PIK3C2G: variants seen among roughly 807,000 people sequenced by gnomAD.
PIK3C2G encodes phosphatidylinositol-4-phosphate 3-kinase catalytic subunit type 2 gamma.
In PIK3C2G, 168 loss-of-function variants were observed where a neutral mutation model predicts 181.1. The ratio of observed to expected loss-of-function variants is 0.93; its 90% confidence interval spans 0.82 to 1.05. The LOEUF (loss-of-function observed/expected upper bound fraction) is 1.05. Among genes scored for constraint, PIK3C2G ranks in the 50% least tolerant of loss-of-function variants. The pLI, the probability that PIK3C2G is intolerant of heterozygous loss-of-function variation, is 0.00. For synonymous variants in PIK3C2G, 573 were observed against 592.2 expected (o/e 0.97, Z 0.47); for missense variants, 1,869 against 1,732.8 (o/e 1.08, Z -1.40).
chr12:18,684,198 C>T, the PIK3C2G span: 1 of 1,612,124 alleles, frequency 6.2e-7, no homozygotes, highest in Non-Finnish European at 8.5e-7. Context: ...TAAACCTTGA[C>T]CTTCAACAAC....
At chr12:18,569,022 C>T (rs1160860456) in intron 29 of PIK3C2G, among the ~76,000 whole-genome samples, 2 of 152,062 alleles carry the variant, frequency 1.3e-5, no homozygotes, top group Non-Finnish European at 2.9e-5. Context: ...TGCTTTGCCA[C>T]CCTCCCATCA....
chr12:18,656,317 C>T, the PIK3C2G span, among the ~76,000 whole-genome samples: 1 of 152,028 alleles, frequency 6.6e-6, no homozygotes, highest in Non-Finnish European at 1.5e-5. Flanking sequence ...GTGGGTCACG[C>T]CTGTAATCCC....
At chr12:18,660,511 G>A in the PIK3C2G span, among the ~76,000 whole-genome samples, 2 of 152,030 alleles carry the variant, frequency 1.3e-5, no homozygotes, top group Admixed American at 1.3e-4. Context: ...TAAAGACTAG[G>A]ACATTAAATT....
the PIK3C2G span, chr12:18,723,341 T>C: frequency 2.5e-6 from 4 of 1,612,446 alleles, no homozygotes; most frequent in Non-Finnish European, 3.4e-6. Flanking sequence ...TTCTGAATGA[T>C]CTCAAAAGCA....
chr12:18,343,797 G>A (rs1445083836), intron 10 of PIK3C2G, among the ~76,000 whole-genome samples: 1 of 152,068 alleles, frequency 6.6e-6, no homozygotes, highest in African/African-American at 2.4e-5. Flanking sequence ...GAAAGACCAA[G>A]CTAATATAAC....
chr12:18,445,459 T>C (rs1041285160), intron 18 of PIK3C2G, among the ~76,000 whole-genome samples: 1 of 151,932 alleles, frequency 6.6e-6, no homozygotes, highest in African/African-American at 2.4e-5. Context: ...AGTGAAAATG[T>C]GGGGAAACAG....
At chr12:18,562,171 C>CG (rs1945379993) in intron 26 of PIK3C2G, among the ~76,000 whole-genome samples, 1 of 152,180 alleles carries the variant, frequency 6.6e-6, no homozygotes. Context: ...CTCGCTCTGT[C>CG]ACCAGGCTGG....
At chr12:18,638,343 C>T (rs1949691734) in intron 31 of PIK3C2G, among the ~76,000 whole-genome samples, 1 of 152,136 alleles carries the variant, frequency 6.6e-6, no homozygotes, top group Non-Finnish European at 1.5e-5. Context: ...GAGGAGACAC[C>T]ACTGGGGTAA....
chr12:18,361,669 G>A (rs1274477289), intron 11 of PIK3C2G, among the ~76,000 whole-genome samples: 2 of 152,092 alleles, frequency 1.3e-5, no homozygotes, highest in Admixed American at 1.3e-4. Flanking sequence ...CTGTCTTGTG[G>A]AGCTCATGTT....
At chr12:18,566,473 G>A (rs1945641885) in intron 28 of PIK3C2G, among the ~76,000 whole-genome samples, 1 of 152,148 alleles carries the variant, frequency 6.6e-6, no homozygotes, top group African/African-American at 2.4e-5. Context: ...CAGACTCTTG[G>A]GGAAAGTGTT....
chr12:18,292,097 C>A (rs940803592), intron 4 of PIK3C2G, among the ~76,000 whole-genome samples: 2 of 149,508 alleles, frequency 1.3e-5, no homozygotes, highest in African/African-American at 4.9e-5. Context: ...GTAATCCCAG[C>A]TACTCAGGAG....
the PIK3C2G span, among the ~76,000 whole-genome samples, chr12:18,713,208 C>T: frequency 1.1e-4 from 17 of 152,104 alleles, no homozygotes; most frequent in African/African-American, 2.9e-4. Context: ...GTGTCTTTCT[C>T]GCTAGTCAAA....
At chr12:18,550,071 A>G (rs755112979) in intron 26 of PIK3C2G, among the ~76,000 whole-genome samples, 12 of 152,176 alleles carry the variant, frequency 7.9e-5, no homozygotes, top group Middle Eastern at 3.4e-3. Context: ...TGCAAGTAGC[A>G]TATCTGTTCA....
intron 24 of PIK3C2G, among the ~76,000 whole-genome samples, chr12:18,522,831 C>A (rs922003068): frequency 2.0e-5 from 3 of 151,552 alleles, no homozygotes; most frequent in Non-Finnish European, 4.4e-5. Flanking sequence ...GCTTTCTAGG[C>A]CCTTTTCTCT....
Position 18,286,888 on chromosome 12 carries a change from C to T in PIK3C2G, c.720C>T (p.Ser240=). The T allele has an allele frequency of 1.3e-6, 2 of 1,575,584 alleles. No homozygotes were observed. The highest frequency in any genetic ancestry group is 4.6e-5 in the East Asian group (2 of 43,378). Reference sequence around the variant, plus strand: ...TTCAGCTAGTGGAAGTACCTCAAAGCAGCAATACGAGTCTGGCCTCTTTTT... The same window carrying T: ...TTCAGCTAGTGGAAGTACCTCAAAGTAGCAATACGAGTCTGGCCTCTTTTT... ...CSIQLVEVPQ[S]SNTSLASFCN... Residue 240 remains serine, a synonymous_variant, in exon 3 of 33, where the codon AGC becomes AGT. Transcript: ENST00000538779.
chr12:18,570,137 C>CA (rs1349344796), intron 29 of PIK3C2G, among the ~76,000 whole-genome samples: 1 of 152,098 alleles, frequency 6.6e-6, no homozygotes, highest in Non-Finnish European at 1.5e-5. Context: ...GATCCATGAT[C>CA]AACGGCTCTT....
chr12:18,444,533 A>G (rs1402422098), intron 18 of PIK3C2G, among the ~76,000 whole-genome samples: 2 of 152,170 alleles, frequency 1.3e-5, no homozygotes, highest in Admixed American at 6.5e-5. Flanking sequence ...AATTCCCTGA[A>G]GTTCAGTTTC....
At chr12:18,612,734 A>G (rs546447046) in intron 31 of PIK3C2G, among the ~76,000 whole-genome samples, 1 of 152,292 alleles carries the variant, frequency 6.6e-6, no homozygotes, top group South Asian at 2.1e-4. Context: ...TACCAAAATA[A>G]TTAGACTAAC....
intron 22 of PIK3C2G, 68 bp downstream of exon 22, chr12:18,497,816 C>T (rs180789658): frequency 9.8e-5 from 120 of 1,226,840 alleles, no homozygotes; most frequent in African/African-American, 7.2e-4. Context: ...TAATAGGCTA[C>T]GAAACTTTCT....
Sources: allele counts gnomAD v4.1 joint callset (sites outside exome capture counted in the v4.1 genomes callset), GRCh38; gene constraint gnomAD v4.1.1; transcripts MANE v1.5; gene names NCBI Gene and HGNC (gene_info 2026-07-23, HGNC 2026-07-21).